The following CCDC88A variants were observed in gnomAD, a reference collection of about 807,000 sequenced individuals.
CCDC88A encodes coiled-coil and HOOK domain protein 88A, also known as girdin.
In CCDC88A, 54 loss-of-function variants were observed where a neutral mutation model predicts 234.3. That is an observed-to-expected ratio of 0.23 (90% CI 0.19 to 0.29). CCDC88A has a LOEUF of 0.29. CCDC88A is among the 10% of genes least tolerant of loss of function. The pLI, the probability that CCDC88A is intolerant of heterozygous loss-of-function variation, is 1.00. For synonymous variants in CCDC88A, 753 were observed against 737.8 expected, an observed-to-expected ratio of 1.02 and a Z score of -0.33; for missense variants, 1,832 against 2,123.4, an observed-to-expected ratio of 0.86 and a Z score of 2.70.
chr2:55,362,507 T>C, intron 6 of CCDC88A, 59 bp from the exon 7 acceptor site: 1 of 1,436,250 alleles, frequency 7.0e-7, no homozygotes, highest in Non-Finnish European at 9.5e-7. Context: ...AAAAATCTAT[T>C]TCACTATAGT....
At chr2:55,418,740 A>G in intron 2 of CCDC88A, 76 bp downstream of exon 2, 3 of 1,199,504 alleles carry the variant, frequency 2.5e-6, no homozygotes, top group Non-Finnish European at 1.2e-6. Flanking sequence ...TTAGGGGCTT[A>G]AAACATCGTG....
chr2:55,328,455 T>A lies in CCDC88A; in HGVS notation c.2856-20A>T. 2.0e-6 allele frequency: 3 copies of A among 1,478,018 alleles called. No individual in the cohort carries two copies. Among genetic ancestry groups the A allele is most frequent in the Non-Finnish European group, 2.7e-6 (3 of 1,101,554 alleles). 91.6% of individuals were successfully genotyped at this position (1,478,018 alleles called of 1,614,324 possible). On this transcript the variant is annotated intron_variant, in intron 16 of 32. Coordinates refer to ENST00000436346, the MANE Select transcript of CCDC88A (RefSeq NM_001365480.1). The surrounding 1 kb of genome is among the most constrained non-coding windows in gnomAD (Gnocchi z 4.3). ...TACCTACTATCCAAGTACAAAGTAA[T>A]GTAGTTCATTATTGGAGGTCAGAAA... is the stretch of plus-strand genomic sequence containing the variant.
At chr2:55,376,792 G>A (rs1291874371) in intron 3 of CCDC88A, among the ~76,000 whole-genome samples, 1 of 152,172 alleles carries the variant, frequency 6.6e-6, no homozygotes, top group Non-Finnish European at 1.5e-5. Context: ...ATAACTATGT[G>A]TGTAACAGCT....
intron 2 of CCDC88A, among the ~76,000 whole-genome samples, chr2:55,395,976 T>C (rs1407059805): frequency 6.6e-6 from 1 of 152,170 alleles, no homozygotes; most frequent in Non-Finnish European, 1.5e-5. Flanking sequence ...TCACGTGTCA[T>C]GGCAAACAAA....
chr2:55,333,251 C>G (rs1477352192), intron 15 of CCDC88A, among the ~76,000 whole-genome samples: 1 of 152,116 alleles, frequency 6.6e-6, no homozygotes, highest in East Asian at 1.9e-4. Context: ...TGCCAGAATG[C>G]TAATATACTT....
chr2:55,416,179 G>T (rs897807672), intron 2 of CCDC88A, among the ~76,000 whole-genome samples: 1 of 151,330 alleles, frequency 6.6e-6, no homozygotes, highest in Non-Finnish European at 1.5e-5. Context: ...ACATAGACAT[G>T]GAAGATATAA....
chr2:55,396,943 G>A (rs1677704292), intron 2 of CCDC88A, among the ~76,000 whole-genome samples: 1 of 149,736 alleles, frequency 6.7e-6, no homozygotes, highest in Non-Finnish European at 1.5e-5. Flanking sequence ...ATATATCACT[G>A]TTTTACTGTA....
chr2:55,340,339 A>C (rs923432626), intron 12 of CCDC88A: 3 of 152,246 alleles, frequency 2.0e-5, no homozygotes, highest in African/African-American at 7.2e-5. Flanking sequence ...GTATGTTTCA[A>C]ATTCTTCTTC....
intron 12 of CCDC88A, 27 bp downstream of exon 12, chr2:55,343,621 T>C: frequency 1.9e-6 from 3 of 1,551,702 alleles, no homozygotes; most frequent in Non-Finnish European, 2.6e-6. Context: ...TTCGATTATC[T>C]ATTTAAATTA....
At chr2:55,339,243 G>C (rs754223719) in intron 13 of CCDC88A, 3 of 443,702 alleles carry the variant, frequency 6.8e-6, no homozygotes, top group African/African-American at 2.1e-5. Context: ...ACAGGCGTGA[G>C]CCCCCGCACC....
rs552552963 is a variant in CCDC88A at position 55,372,260 on chromosome 2, A to C, written c.402+192T>G. Among the ~76,000 whole-genome samples, 21 of 152,344 alleles carry C rather than the reference A, an allele frequency of 1.4e-4. No homozygotes were observed. The Middle Eastern group carries it at 0.01, about 74-fold the overall frequency. On this transcript the variant is annotated intron_variant, in intron 5 of 32. Transcript: ENST00000436346. ...TAAATGATATGACTATGATAATGTA[A>C]CTAAATTCTGAAATAAAATAAGTGG...
chr2:55,352,559 AAT>A (rs1670026397), intron 8 of CCDC88A, among the ~76,000 whole-genome samples: 9 of 152,318 alleles, frequency 5.9e-5, no homozygotes, highest in African/African-American at 1.2e-4. Context: ...CTGACCTGCG[AAT>A]TATATCTCAA....
intron 25 of CCDC88A, among the ~76,000 whole-genome samples, chr2:55,305,100 G>T (rs1681389258): frequency 6.6e-6 from 1 of 152,168 alleles, no homozygotes; most frequent in Non-Finnish European, 1.5e-5. Context: ...TGAACTGAAA[G>T]CAATATAAAA....
chr2:55,361,992 T>TA (rs143524627), intron 7 of CCDC88A: 2,484 of 188,106 alleles, frequency 0.013, 71 homozygotes, highest in African/African-American at 0.054. Context: ...TTTTTCCACT[T>TA]ACATCAACTA....
intron 17 of CCDC88A, among the ~76,000 whole-genome samples, chr2:55,326,216 T>C (rs1684245072): frequency 6.6e-6 from 1 of 151,966 alleles, no homozygotes; most frequent in Non-Finnish European, 1.5e-5. Flanking sequence ...AGGATCTCCC[T>C]ATGTTGCCCA....
intron 3 of CCDC88A, among the ~76,000 whole-genome samples, chr2:55,387,176 CAAAAAAAAAAAA>C (rs869311337): frequency 1.0e-4 from 7 of 69,770 alleles, no homozygotes; most frequent in African/African-American, 2.8e-4. Flanking sequence ...GATTCCATCT[CAAAAAAAAAAAA>C]AAAAAAAAAA....
At chr2:55,402,709 T>TA (rs1558829476) in intron 2 of CCDC88A, among the ~76,000 whole-genome samples, 6 of 11,024 alleles carry the variant, frequency 5.4e-4, no homozygotes, top group Admixed American at 1.7e-3. Flanking sequence ...TTATTACTAT[T>TA]TAAAAAAAAA....
At position 55,335,235 on chromosome 2, in the gene CCDC88A, A is replaced by G. The variant is rs1685335378; in HGVS notation, c.1657-71T>C. 1 of 991,234 alleles carries G rather than the reference A, an allele frequency of 1.0e-6. No homozygotes were observed. The highest frequency in any genetic ancestry group is 1.4e-6 in the Non-Finnish European group (1 of 702,576). The allele number at this position is 991,234 out of a possible 1,614,324, so 61.4% of individuals were successfully genotyped here. A position where few individuals can be genotyped will look rare whatever the true frequency, so the allele number is the denominator to read the frequency against. The stretch of plus-strand genomic sequence containing the variant: ...TAACTATGGTTTATCTCTTCCAAAA[A>G]CTACCAAGAAAAGGGGAACAAAAAA... On this transcript the variant is annotated intron_variant, in intron 14 of 32. Coordinates refer to ENST00000436346, the MANE Select transcript of CCDC88A (RefSeq NM_001365480.1). This position sits in a 1 kb window ranked among gnomAD's most constrained non-coding sequence, Gnocchi z 4.5.
At position 55,346,196 on chromosome 2, in the gene CCDC88A, T is replaced by A. The variant is rs1165103063; in HGVS notation, c.1020A>T (p.Glu340Asp). 6.2e-7 allele frequency: 1 copy of A among 1,605,144 alleles called. No individual in the cohort carries two copies. The highest frequency in any genetic ancestry group is 1.7e-5 in the Admixed American group (1 of 58,996). ...ATACCTCAACTCTTGCCTTATAAAA[T>A]TCAATATCATGTAGTCTCTCTTTAT... ...SRYKERLHDI[E>D]FYKARVEELK... is the part of the protein sequence containing the mutation. Residue 340 changes from glutamate (E) to aspartate (D), a missense_variant, in exon 10 of 33, where the codon GAA becomes GAT. Glu to Asp is a conservative substitution (Grantham distance 45). Transcript: ENST00000436346.
Sources: allele counts gnomAD v4.1 joint callset (sites outside exome capture counted in the v4.1 genomes callset), GRCh38; gene constraint gnomAD v4.1.1; non-coding constraint Gnocchi (gnomAD v3.1); transcripts MANE v1.5; gene names NCBI Gene and HGNC (gene_info 2026-07-23, HGNC 2026-07-21).